The following QTGAL variants were observed in gnomAD, a reference collection of about 807,000 sequenced individuals.
The protein encoded by QTGAL is queuosine-tRNA galactosyltransferase.
the QTGAL span, chr17:82,965,681 G>A: frequency 6.2e-7 from 1 of 1,611,958 alleles, no homozygotes; most frequent in East Asian, 2.2e-5. Context: ...GGCCCACGTG[G>A]GAGAACCACG....
chr17:83,042,624 T>C, the QTGAL span, among the ~76,000 whole-genome samples: 20 of 152,138 alleles, frequency 1.3e-4, no homozygotes, highest in East Asian at 3.7e-3. Flanking sequence ...AAGGTAGTAA[T>C]ACAGGATTGA....
the QTGAL span, among the ~76,000 whole-genome samples, chr17:83,028,509 C>T: frequency 1.5e-5 from 2 of 130,692 alleles, no homozygotes; most frequent in African/African-American, 3.0e-5. Context: ...TGGGCGACAG[C>T]GAGACTCCAT....
the QTGAL span, chr17:82,945,804 G>A: frequency 6.6e-6 from 1 of 152,216 alleles, no homozygotes; most frequent in South Asian, 2.1e-4. Context: ...GCCCCTGGTT[G>A]AGAACCACTG....
At chr17:82,956,582 A>G in the QTGAL span, 9,042 of 1,218,450 alleles carry the variant, frequency 7.4e-3, 477 homozygotes, top group African/African-American at 0.12. The surrounding 1 kb of genome is among the most constrained non-coding windows in gnomAD (Gnocchi z 5.7). Context: ...CATGCCCACC[A>G]TCGGCTGGGG....
At chr17:82,986,460 C>T in the QTGAL span, among the ~76,000 whole-genome samples, 2 of 152,354 alleles carry the variant, frequency 1.3e-5, no homozygotes, top group Non-Finnish European at 1.5e-5. Context: ...CGCTTCCCCA[C>T]GCTTTAACCA....
At chr17:82,957,104 G>A in the QTGAL span, 34 of 1,581,332 alleles carry the variant, frequency 2.2e-5, no homozygotes, top group African/African-American at 3.5e-4. Context: ...TGCCAAGGGG[G>A]AAGGCTCGGA....
the QTGAL span, among the ~76,000 whole-genome samples, chr17:83,020,098 G>T: frequency 5.3e-5 from 8 of 152,000 alleles, no homozygotes; most frequent in Non-Finnish European, 8.8e-5. Context: ...AAATTTAATA[G>T]CAAAACAGAT....
At chr17:83,043,512 G>GT in the QTGAL span, among the ~76,000 whole-genome samples, 1 of 152,118 alleles carries the variant, frequency 6.6e-6, no homozygotes, top group African/African-American at 2.4e-5. Flanking sequence ...CTTTCAGGAT[G>GT]TAGAAAAATC....
chr17:83,014,588 C>G, the QTGAL span: 1 of 1,552,426 alleles, frequency 6.4e-7, no homozygotes, highest in Non-Finnish European at 8.9e-7. Context: ...TACAGTCCCG[C>G]TTTATTGCCC....
chr17:82,946,996 G>GC, the QTGAL span: 1 of 1,554,802 alleles, frequency 6.4e-7, no homozygotes, highest in Non-Finnish European at 8.7e-7. Context: ...GTCAGGAGCA[G>GC]CAGATTCAGC....
chr17:82,971,112 C>G, the QTGAL span, among the ~76,000 whole-genome samples: 21 of 152,196 alleles, frequency 1.4e-4, no homozygotes, highest in Non-Finnish European at 2.8e-4. Context: ...ACCTCCCACA[C>G]AGCCACGCTG....
the QTGAL span, among the ~76,000 whole-genome samples, chr17:83,020,883 A>G: frequency 6.6e-6 from 1 of 152,096 alleles, no homozygotes; most frequent in South Asian, 2.1e-4. Flanking sequence ...TGGGGAAGAC[A>G]GAGAGAGAGA....
the QTGAL span, among the ~76,000 whole-genome samples, chr17:82,952,738 C>T: frequency 2.0e-5 from 3 of 152,232 alleles, no homozygotes; most frequent in African/African-American, 7.2e-5. Flanking sequence ...CCTAAATCAA[C>T]AGAATATACA....
At chr17:83,029,508 A>G in the QTGAL span, among the ~76,000 whole-genome samples, 68,976 of 151,940 alleles carry the variant, frequency 0.45, 16,182 homozygotes, top group East Asian at 0.58. Flanking sequence ...AGACGTGAGA[A>G]GACCGAGCTG....
At chr17:82,946,816 T>C in the QTGAL span, 7 of 1,312,912 alleles carry the variant, frequency 5.3e-6, no homozygotes, top group South Asian at 9.2e-5. Flanking sequence ...AAGAGCAGAA[T>C]GAAAAGGAAA....
chr17:82,951,536 C>T, the QTGAL span, among the ~76,000 whole-genome samples: 3 of 152,202 alleles, frequency 2.0e-5, no homozygotes, highest in African/African-American at 4.8e-5. Flanking sequence ...TTTGTGTGTT[C>T]ACTGGAGGAC....
At chr17:82,970,492 G>A in the QTGAL span, among the ~76,000 whole-genome samples, 3 of 137,656 alleles carry the variant, frequency 2.2e-5, no homozygotes, top group South Asian at 2.3e-4. Context: ...TGGTGAGGAC[G>A]ACCTGAGAAA....
chr17:83,005,993 G>A, the QTGAL span: 4 of 1,083,938 alleles, frequency 3.7e-6, no homozygotes, highest in African/African-American at 1.7e-5. The surrounding 1 kb of genome is among the most constrained non-coding windows in gnomAD (Gnocchi z 5.6). Flanking sequence ...TGCAGTGGGA[G>A]GAGCTGGCTG....
the QTGAL span, among the ~76,000 whole-genome samples, chr17:82,955,850 G>A: frequency 6.6e-6 from 1 of 152,092 alleles, no homozygotes; most frequent in Admixed American, 6.6e-5. Flanking sequence ...CCTTTGCAGG[G>A]ACATGGATGA....
Sources: allele counts gnomAD v4.1 joint callset (sites outside exome capture counted in the v4.1 genomes callset), GRCh38; gene constraint gnomAD v4.1.1; non-coding constraint Gnocchi (gnomAD v3.1); transcripts MANE v1.5; gene names NCBI Gene and HGNC (gene_info 2026-07-23, HGNC 2026-07-21).